TMEM132D: variants seen among roughly 807,000 people sequenced by gnomAD.
The protein encoded by TMEM132D is mature OL transmembrane protein.
A neutral mutation model predicts 62.3 loss-of-function variants in TMEM132D; 21 were observed. The ratio of observed to expected loss-of-function variants is 0.34; its 90% CI spans 0.24 to 0.49. The LOEUF (loss-of-function observed/expected upper bound fraction) is 0.49. TMEM132D is among the 20% of genes least tolerant of loss of function. The pLI is 0.99. For missense variants in TMEM132D, 1,346 were observed against 1,402.8 expected (o/e 0.96, Z 0.65); for synonymous variants, 621 against 575.6 (o/e 1.08, Z -1.13).
rs558673769 is a variant in TMEM132D at position 129,267,120 on chromosome 12, A to G, written c.1300-57457T>C. 8.5e-5 allele frequency among the ~76,000 whole-genome samples: 13 copies of G among 152,142 alleles called. No homozygotes were observed. The South Asian group carries it at 2.5e-3, about 29-fold the overall frequency. On this transcript the variant is annotated intron_variant, in intron 4 of 8. Coordinates refer to ENST00000422113, the MANE Select transcript of TMEM132D (RefSeq NM_133448.3). The stretch of plus-strand genomic sequence containing the variant: ...CTCTTCCTCATTATACTCCAGCCAC[A>G]CTGGCCTTCTTTTATTCTTTGAACA...
intron 4 of TMEM132D, among the ~76,000 whole-genome samples, chr12:129,229,970 T>G (rs531413163): frequency 3.9e-5 from 6 of 152,354 alleles, no homozygotes; most frequent in Admixed American, 3.9e-4. Flanking sequence ...AGACAACTTC[T>G]TAATTATGTT....
At chr12:129,499,462 T>C (rs7301737) in intron 3 of TMEM132D, among the ~76,000 whole-genome samples, 2,187 of 152,330 alleles carry the variant, frequency 0.014, 57 homozygotes, top group African/African-American at 0.049. Flanking sequence ...AAATGTGATA[T>C]TCTACCAGTT....
intron 1 of TMEM132D, among the ~76,000 whole-genome samples, chr12:129,768,385 G>A (rs945978957): frequency 5.3e-5 from 8 of 152,040 alleles, no homozygotes; most frequent in Non-Finnish European, 1.2e-4. Context: ...CTTGACAGTG[G>A]CCATCGTAAT....
chr12:129,661,983 T>C (rs1880247332), intron 2 of TMEM132D, among the ~76,000 whole-genome samples: 1 of 152,202 alleles, frequency 6.6e-6, no homozygotes, highest in Non-Finnish European at 1.5e-5. Context: ...GCCTTGATTA[T>C]TTAATTGATC....
At chr12:129,097,260 A>C (rs1454890111) in intron 5 of TMEM132D, among the ~76,000 whole-genome samples, 1 of 152,234 alleles carries the variant, frequency 6.6e-6, no homozygotes, top group Non-Finnish European at 1.5e-5. Context: ...ATTGCTAAAG[A>C]ACCCCTGGGC....
At chr12:129,591,576 C>T (rs1028960689) in intron 2 of TMEM132D, among the ~76,000 whole-genome samples, 1 of 149,938 alleles carries the variant, frequency 6.7e-6, no homozygotes, top group South Asian at 2.1e-4. Flanking sequence ...TAGGGTGGGG[C>T]CACATCATAC....
chr12:129,679,093 A>C (rs946891192), intron 2 of TMEM132D, among the ~76,000 whole-genome samples: 8 of 151,908 alleles, frequency 5.3e-5, no homozygotes, highest in African/African-American at 1.9e-4. Context: ...TCTTCATATA[A>C]ATTTAAAAAT....
intron 2 of TMEM132D, among the ~76,000 whole-genome samples, chr12:129,574,082 T>C (rs1183080208): frequency 6.6e-6 from 1 of 151,868 alleles, no homozygotes; most frequent in Non-Finnish European, 1.5e-5. Flanking sequence ...TGTGTAACGT[T>C]TACAATAAGA....
chr12:129,423,602 C>T (rs932731926), intron 3 of TMEM132D, among the ~76,000 whole-genome samples: 1 of 152,192 alleles, frequency 6.6e-6, no homozygotes, highest in Non-Finnish European at 1.5e-5. Context: ...GTCTGTGTCA[C>T]TCACCTAGCC....
intron 4 of TMEM132D, among the ~76,000 whole-genome samples, chr12:129,279,335 G>A (rs1042795209): frequency 2.0e-5 from 3 of 152,146 alleles, no homozygotes; most frequent in African/African-American, 4.8e-5. Context: ...GGACCTTGGC[G>A]AAATACTAAA....
chr12:129,662,621 C>A (rs183490941), intron 2 of TMEM132D, among the ~76,000 whole-genome samples: 1 of 152,106 alleles, frequency 6.6e-6, no homozygotes, highest in East Asian at 1.9e-4. Context: ...GGTGAAACCC[C>A]ATCTCTACTG....
At chr12:129,872,150 T>G (rs1334448904) in intron 1 of TMEM132D, among the ~76,000 whole-genome samples, 5 of 152,248 alleles carry the variant, frequency 3.3e-5, no homozygotes, top group Non-Finnish European at 7.3e-5. Flanking sequence ...TAGTGACGTC[T>G]CAGTGTCACA....
At chr12:129,866,684 G>A (rs1874071791) in intron 1 of TMEM132D, among the ~76,000 whole-genome samples, 2 of 152,012 alleles carry the variant, frequency 1.3e-5, no homozygotes, top group South Asian at 2.1e-4. Context: ...AATGTAAGTT[G>A]GTAAAGCCAT....
chr12:129,604,004 A>G (rs1477237803), intron 2 of TMEM132D, among the ~76,000 whole-genome samples: 2 of 152,224 alleles, frequency 1.3e-5, no homozygotes, highest in Non-Finnish European at 2.9e-5. Context: ...AAATGAGTTC[A>G]TGTCCTTTGC....
intron 2 of TMEM132D, among the ~76,000 whole-genome samples, chr12:129,538,263 G>C (rs1876461335): frequency 6.6e-6 from 1 of 152,210 alleles, no homozygotes; most frequent in Non-Finnish European, 1.5e-5. Flanking sequence ...CCATAATTTA[G>C]TCATCATTCT....
chr12:129,534,668 T>C (rs55638263), intron 2 of TMEM132D, among the ~76,000 whole-genome samples: 29,023 of 152,042 alleles, frequency 0.19, 3,173 homozygotes, highest in Admixed American at 0.28. Flanking sequence ...GACTTGTAAG[T>C]CAAGAGTTTC....
intron 1 of TMEM132D, among the ~76,000 whole-genome samples, chr12:129,757,742 T>G (rs765615473): frequency 2.0e-5 from 3 of 152,334 alleles, no homozygotes; most frequent in Non-Finnish European, 4.4e-5. Context: ...ATGTTTTGTG[T>G]GTTTAATGCA....
rs570718643 is a variant in TMEM132D, at chr12:129,877,606, C to T, written c.79+25655G>A. The stretch of plus-strand genomic sequence containing the variant: ...TAATAATACCTATTAACCAAACGCG[C>T]GCGCGCGCACACACACACACACAGA... On this transcript the variant is annotated intron_variant, in intron 1 of 8. Transcript: ENST00000422113. 2.4e-3 allele frequency among the ~76,000 whole-genome samples: 217 copies of T among 91,428 alleles called. 1 individual carries two copies. The highest frequency in any genetic ancestry group is 6.8e-3 in the African/African-American group (208 of 30,642). 60.0% of individuals were successfully genotyped at this position (91,428 alleles called of 152,430 possible).
At chr12:129,171,883 A>G (rs1877745928) in intron 5 of TMEM132D, among the ~76,000 whole-genome samples, 1 of 152,206 alleles carries the variant, frequency 6.6e-6, no homozygotes, top group Non-Finnish European at 1.5e-5. Flanking sequence ...TAAGGGCCCT[A>G]GGATTTGGGG....
Sources: allele counts gnomAD v4.1 joint callset (sites outside exome capture counted in the v4.1 genomes callset), GRCh38; gene constraint gnomAD v4.1.1; transcripts MANE v1.5; gene names NCBI Gene and HGNC (gene_info 2026-07-23, HGNC 2026-07-21).